The following CNTNAP2 variants were observed in gnomAD, a reference collection of about 807,000 sequenced individuals.
CNTNAP2 encodes contactin associated protein 2.
In CNTNAP2, 98 loss-of-function variants were observed where a neutral mutation model predicts 155.2. That is an observed-to-expected ratio of 0.63 (90% confidence interval 0.54 to 0.75). The LOEUF (loss-of-function observed/expected upper bound fraction) is 0.75. CNTNAP2 is among the 30% of genes least tolerant of loss of function. The pLI is 0.00. For missense variants in CNTNAP2, 1,727 were observed against 1,688.1 expected, an observed-to-expected ratio of 1.02 and a Z score of -0.40; for synonymous variants, 651 against 631.2, an observed-to-expected ratio of 1.03 and a Z score of -0.47.
chr7:146,147,792 A>G (rs1797977776), intron 1 of CNTNAP2, among the ~76,000 whole-genome samples: 1 of 152,180 alleles, frequency 6.6e-6, no homozygotes, highest in African/African-American at 2.4e-5. Flanking sequence ...TCTAAGGTCC[A>G]TTAGGAAATT....
At chr7:147,249,895 C>T (rs778063809) in intron 8 of CNTNAP2, among the ~76,000 whole-genome samples, 4 of 152,250 alleles carry the variant, frequency 2.6e-5, no homozygotes, top group Middle Eastern at 3.4e-3. Context: ...ACAACCCTCA[C>T]GCAGCTTTCA....
intron 10 of CNTNAP2, among the ~76,000 whole-genome samples, chr7:147,405,357 T>A (rs1796987776): frequency 6.6e-6 from 1 of 152,220 alleles, no homozygotes; most frequent in Admixed American, 6.5e-5. Context: ...TTTTGTCAAT[T>A]ACTTGAATAC....
chr7:147,280,205 C>T (rs947209812), intron 8 of CNTNAP2, among the ~76,000 whole-genome samples: 3 of 151,902 alleles, frequency 2.0e-5, no homozygotes, highest in African/African-American at 7.2e-5. Flanking sequence ...TGTCTAGTGA[C>T]CAATTTCTGT....
At chr7:146,692,398 G>T (rs181890228) in intron 1 of CNTNAP2, among the ~76,000 whole-genome samples, 3 of 152,232 alleles carry the variant, frequency 2.0e-5, no homozygotes, top group African/African-American at 7.2e-5. Flanking sequence ...GAGTTATCCT[G>T]TTGGAAACTG....
chr7:146,688,999 CA>C (rs796924154), intron 1 of CNTNAP2, among the ~76,000 whole-genome samples: 76 of 152,202 alleles, frequency 5.0e-4, no homozygotes, highest in African/African-American at 1.7e-3. Flanking sequence ...CATGATGCTT[CA>C]AAAAATAATT....
chr7:146,398,064 GT>G, intron 1 of CNTNAP2, among the ~76,000 whole-genome samples: 1 of 151,364 alleles, frequency 6.6e-6, no homozygotes, highest in Admixed American at 6.6e-5. Context: ...TGTGGAGAGC[GT>G]TTCACCATGT....
At chr7:147,839,889 G>A (rs1798699075) in intron 13 of CNTNAP2, among the ~76,000 whole-genome samples, 1 of 151,810 alleles carries the variant, frequency 6.6e-6, no homozygotes, top group South Asian at 2.1e-4. Context: ...ATATATGTGT[G>A]TGTGTGTGTA....
At chr7:147,227,184 C>T (rs557835778) in intron 8 of CNTNAP2, among the ~76,000 whole-genome samples, 6 of 152,138 alleles carry the variant, frequency 3.9e-5, no homozygotes, top group Non-Finnish European at 7.3e-5. Context: ...GGAAGAACTG[C>T]AAGTGCAAAG....
At chr7:146,272,539 C>T (rs189974808) in intron 1 of CNTNAP2, among the ~76,000 whole-genome samples, 1 of 152,292 alleles carries the variant, frequency 6.6e-6, no homozygotes, top group East Asian at 1.9e-4. Flanking sequence ...AGTCCAAGCA[C>T]GGCTTTTTGA....
chr7:146,574,080 G>T (rs540925495), intron 1 of CNTNAP2, among the ~76,000 whole-genome samples: 22 of 152,244 alleles, frequency 1.4e-4, no homozygotes, highest in Admixed American at 3.9e-4. Flanking sequence ...CCTGTCCTAT[G>T]AGGCGTGCTT....
intron 5 of CNTNAP2, among the ~76,000 whole-genome samples, chr7:147,119,401 T>G (rs1801055728): frequency 6.6e-6 from 1 of 152,306 alleles, no homozygotes; most frequent in African/African-American, 2.4e-5. Context: ...GGGAGAAATA[T>G]CCACTCAAAT....
intron 13 of CNTNAP2, among the ~76,000 whole-genome samples, chr7:147,726,419 G>T (rs1278180692): frequency 6.6e-6 from 1 of 151,934 alleles, no homozygotes; most frequent in East Asian, 1.9e-4. Flanking sequence ...GGAAAATGAG[G>T]TTTATCCATA....
intron 1 of CNTNAP2, among the ~76,000 whole-genome samples, chr7:146,723,174 A>G (rs1801368814): frequency 6.6e-6 from 1 of 152,164 alleles, no homozygotes. Flanking sequence ...ACAAGAACAG[A>G]AAACACCATC....
intron 1 of CNTNAP2, among the ~76,000 whole-genome samples, chr7:146,364,184 G>A (rs548076919): frequency 6.6e-6 from 1 of 152,240 alleles, no homozygotes; most frequent in African/African-American, 2.4e-5. Context: ...AACAGGCAGT[G>A]GATCTTAGGC....
chr7:147,193,738 C>T (rs956241729), intron 8 of CNTNAP2, among the ~76,000 whole-genome samples: 3 of 152,002 alleles, frequency 2.0e-5, no homozygotes, highest in Non-Finnish European at 4.4e-5. Context: ...ATAAAGAATA[C>T]CAGTTGCAAA....
chr7:148,222,596 A>T (rs952757690), intron 19 of CNTNAP2, among the ~76,000 whole-genome samples: 3 of 152,260 alleles, frequency 2.0e-5, no homozygotes. Flanking sequence ...TCATGAGGAC[A>T]GAGTCCTCAT....
intron 8 of CNTNAP2, among the ~76,000 whole-genome samples, chr7:147,230,214 C>G (rs1347531532): frequency 6.6e-6 from 1 of 151,980 alleles, no homozygotes; most frequent in Non-Finnish European, 1.5e-5. Flanking sequence ...ATCTGTTTTT[C>G]AAAGCCTCAG....
At chr7:147,250,092 C>T (rs995147946) in intron 8 of CNTNAP2, among the ~76,000 whole-genome samples, 11 of 152,152 alleles carry the variant, frequency 7.2e-5, no homozygotes, top group African/African-American at 1.7e-4. Context: ...ATTCTGATTG[C>T]GTGGATCTGA....
intron 12 of CNTNAP2, among the ~76,000 whole-genome samples, chr7:147,608,194 C>A (rs1175062616): frequency 2.2e-5 from 3 of 133,352 alleles, no homozygotes; most frequent in African/African-American, 8.7e-5. Context: ...TAATTATTAT[C>A]TTACTGTTCA....
Sources: gnomAD v4.1 joint callset for allele counts (sites outside exome capture counted in the v4.1 genomes callset) on GRCh38, gnomAD v4.1.1 for gene constraint, MANE v1.5 for transcripts, NCBI Gene and HGNC (gene_info 2026-07-23, HGNC 2026-07-21) for gene names.